RHOBTB2: variants seen among roughly 807,000 people sequenced by gnomAD.
The protein encoded by RHOBTB2 is rho-related BTB domain-containing protein 2.
In RHOBTB2, 39 loss-of-function variants were observed where a neutral mutation model predicts 66.5. The observed-to-expected ratio is 0.59, with a 90% CI of 0.45 to 0.77. The LOEUF (loss-of-function observed/expected upper bound fraction) is 0.77. Ranked by LOEUF, RHOBTB2 falls within the 30% of genes least tolerant of loss-of-function variation. The probability of loss-of-function intolerance (pLI) is 0.00; values close to 1 mark genes in which losing one functional copy is unlikely to be tolerated. For missense variants in RHOBTB2, 755 were observed against 999.1 expected (o/e 0.76, Z 3.29); for synonymous variants, 390 against 395.0 (o/e 0.99, Z 0.15).
chr8:22,955,178 G>A, the RHOBTB2 span, among the ~76,000 whole-genome samples: 3 of 152,200 alleles, frequency 2.0e-5, no homozygotes, highest in African/African-American at 7.2e-5. Flanking sequence ...ATTGCCTATG[G>A]CCAGTAAAGG....
At chr8:22,960,486 T>G in the RHOBTB2 span, among the ~76,000 whole-genome samples, 1 of 151,770 alleles carries the variant, frequency 6.6e-6, no homozygotes, top group Non-Finnish European at 1.5e-5. Flanking sequence ...GCCCGGCTAA[T>G]TTTTGTATTT....
chr8:22,953,546 A>G, the RHOBTB2 span, among the ~76,000 whole-genome samples: 1 of 152,228 alleles, frequency 6.6e-6, no homozygotes, highest in African/African-American at 2.4e-5. Context: ...TTTCGTTGCA[A>G]TGGTAACCCA....
the RHOBTB2 span, among the ~76,000 whole-genome samples, chr8:22,957,553 G>A: frequency 1.3e-5 from 2 of 152,164 alleles, no homozygotes; most frequent in Admixed American, 1.3e-4. Context: ...ACCTGGGGCA[G>A]CATGTGTGTT....
chr8:22,963,294 G>C, the RHOBTB2 span, among the ~76,000 whole-genome samples: 1 of 152,164 alleles, frequency 6.6e-6, no homozygotes, highest in Non-Finnish European at 1.5e-5. Context: ...ATTTATAAAA[G>C]TAAGTTTTCT....
chr8:23,007,190 C>G lies in RHOBTB2; in HGVS notation c.945C>G (p.His315Gln). 3 of 1,604,206 alleles carry G rather than the reference C, an allele frequency of 1.9e-6. No homozygotes were observed. The highest frequency in any genetic ancestry group is 1.1e-5 in the South Asian group (1 of 90,516). The change falls in exon 5 of 10, where the codon CAC becomes CAG. Residue 315 changes from histidine (H) to glutamine (Q), a missense_variant. Transcript: ENST00000251822. The stretch of plus-strand genomic sequence containing the variant: ...GCCCCTCGGAGCCAGGGGGCACCCA[C>G]CCAGAGGACCACCAGGGCCACTCTG... ...LGGPSEPGGT[H>Q]PEDHQGHSDQ... is the part of the protein sequence containing the mutation.
upstream of RHOBTB2, among the ~76,000 whole-genome samples, chr8:22,986,534 C>T (rs186733187): frequency 2.0e-5 from 3 of 152,144 alleles, no homozygotes; most frequent in Admixed American, 6.5e-5. Flanking sequence ...GCTGGGATTA[C>T]AGGCATGAGC....
intron 9 of RHOBTB2, among the ~76,000 whole-genome samples, chr8:23,016,301 C>T (rs1414119412): frequency 1.3e-5 from 2 of 152,140 alleles, no homozygotes; most frequent in African/African-American, 4.8e-5. Context: ...TCTCTGGGCT[C>T]CCTCCAGTCT....
At chr8:23,003,465 A>G (rs966187422) in intron 1 of RHOBTB2, among the ~76,000 whole-genome samples, 8 of 152,226 alleles carry the variant, frequency 5.3e-5, no homozygotes, top group Non-Finnish European at 8.8e-5. Context: ...TAGCCAGTTT[A>G]GTGAACATCA....
chr8:22,982,521 T>C (rs897325726), upstream of RHOBTB2, among the ~76,000 whole-genome samples: 3 of 151,952 alleles, frequency 2.0e-5, no homozygotes, highest in African/African-American at 7.3e-5. Context: ...ACTCAGGAGG[T>C]TGAGGCAGGA....
Position 23,007,038 on chromosome 8 carries a change from T to C in RHOBTB2, c.793T>C (p.Cys265Arg). 1.2e-6 allele frequency: 2 copies of C among 1,609,222 alleles called. No homozygotes were observed. Among genetic ancestry groups the C allele is most frequent in the Non-Finnish European group, 1.7e-6 (2 of 1,178,946 alleles). Residue 265 changes from cysteine to arginine, a missense_variant, in exon 5 of 10, where the codon TGC becomes CGC. Physicochemically the swap from Cys to Arg is radical, Grantham distance 180. Transcript: ENST00000251822. The part of the protein sequence containing the change: ...CPAHLLEDPL[C>R]ADVILVLQER... The stretch of plus-strand genomic sequence containing the variant: ...CGCCCACCTCCTGGAGGACCCGCTC[T>C]GCGCGGACGTCATCCTGGTGCTGCA...
At chr8:22,970,018 G>T in the RHOBTB2 span, among the ~76,000 whole-genome samples, 2 of 152,032 alleles carry the variant, frequency 1.3e-5, no homozygotes, top group Admixed American at 6.6e-5. Context: ...TACTGTACCT[G>T]GCCAAATTGT....
At chr8:22,989,949 T>C (rs1182336007) in intron 1 of RHOBTB2, among the ~76,000 whole-genome samples, 1 of 152,206 alleles carries the variant, frequency 6.6e-6, no homozygotes. Flanking sequence ...TTTCCTTCTC[T>C]GCCAAATGCG....
rs929806207 is a variant in RHOBTB2 at position 23,004,980 on chromosome 8, T to C, written c.192+354T>C. The C allele has an allele frequency of 4.8e-6, 2 of 414,610 alleles. No individual in the cohort carries two copies. Among genetic ancestry groups the C allele is most frequent in the Non-Finnish European group, 8.9e-6 (2 of 224,268 alleles). 25.7% of individuals were successfully genotyped at this position (414,610 alleles called of 1,614,324 possible). A position where few individuals can be genotyped will look rare whatever the true frequency, so the allele number is the denominator to read the frequency against. Reference sequence around the variant, plus strand: ...GAGGAGCAAAGAAGCTGGCAGCTGATAGCAAAAGACCAGAGGCTCACAAAC... The same window carrying C: ...GAGGAGCAAAGAAGCTGGCAGCTGACAGCAAAAGACCAGAGGCTCACAAAC... On this transcript the variant is annotated intron_variant, in intron 2 of 9. Coordinates refer to ENST00000251822, the MANE Select transcript of RHOBTB2 (RefSeq NM_015178.3). The surrounding 1 kb of genome is among the most constrained non-coding windows in gnomAD (Gnocchi z 6.4).
At chr8:22,990,843 T>C (rs1563283010) in intron 1 of RHOBTB2, among the ~76,000 whole-genome samples, 1 of 152,112 alleles carries the variant, frequency 6.6e-6, no homozygotes, top group Non-Finnish European at 1.5e-5. Flanking sequence ...AGAAGGCTTC[T>C]AGCTCAGCAT....
chr8:22,964,175 G>T, the RHOBTB2 span, among the ~76,000 whole-genome samples: 1 of 151,782 alleles, frequency 6.6e-6, no homozygotes, highest in Non-Finnish European at 1.5e-5. Flanking sequence ...TGCAAGAACC[G>T]CACAGGAAAG....
At chr8:22,968,087 C>T in the RHOBTB2 span, among the ~76,000 whole-genome samples, 39,939 of 151,542 alleles carry the variant, frequency 0.26, 6,421 homozygotes, top group East Asian at 0.42. Flanking sequence ...TCCTGGAAGG[C>T]TGAGTTGCAG....
At chr8:22,986,665 A>T (rs1356855641), upstream of RHOBTB2, among the ~76,000 whole-genome samples, 1 of 152,180 alleles carries the variant, frequency 6.6e-6, no homozygotes, top group Non-Finnish European at 1.5e-5. Flanking sequence ...ACAGAGCTCA[A>T]GTAATTTGGA....
chr8:22,995,756 G>A (rs2128798705), upstream of RHOBTB2: 1 of 1,239,752 alleles, frequency 8.1e-7, no homozygotes, highest in Non-Finnish European at 1.2e-6. Context: ...CAGCTGCAGG[G>A]TAGGAACACC....
At chr8:22,970,048 T>C in the RHOBTB2 span, among the ~76,000 whole-genome samples, 1 of 152,188 alleles carries the variant, frequency 6.6e-6, no homozygotes, top group Non-Finnish European at 1.5e-5. Context: ...TACAGGAGAA[T>C]GCACCACCAT....
Sources: gnomAD v4.1 joint callset for allele counts (sites outside exome capture counted in the v4.1 genomes callset) on GRCh38, gnomAD v4.1.1 for gene constraint, Gnocchi (gnomAD v3.1) non-coding constraint, MANE v1.5 for transcripts, NCBI Gene and HGNC (gene_info 2026-07-23, HGNC 2026-07-21) for gene names.